Variants in TENM3 observed in about 807,000 individuals in gnomAD.
The protein encoded by TENM3 is teneurin-3.
Under a neutral mutation model 255.1 loss-of-function variants are expected in TENM3, and 63 were observed. The ratio of observed to expected loss-of-function variants is 0.25; its 90% CI spans 0.20 to 0.30. TENM3 has a LOEUF of 0.30. Ranked by LOEUF, TENM3 falls within the 10% of genes least tolerant of loss-of-function variation. The probability of loss-of-function intolerance (pLI) is 1.00; values close to 1 mark genes in which losing one functional copy is unlikely to be tolerated. For synonymous variants in TENM3, 1,306 were observed against 1,322.3 expected, an observed-to-expected ratio of 0.99 and a Z score of 0.27; for missense variants, 2,929 against 3,461.1, an observed-to-expected ratio of 0.85 and a Z score of 3.86.
At chr4:181,881,993 A>G in the TENM3 span, among the ~76,000 whole-genome samples, 2 of 152,190 alleles carry the variant, frequency 1.3e-5, no homozygotes, top group Non-Finnish European at 2.9e-5. Context: ...TTGAGAGAAA[A>G]ATATGCACAC....
the TENM3 span, among the ~76,000 whole-genome samples, chr4:181,513,337 A>G: frequency 0.16 from 24,092 of 152,118 alleles, 2,199 homozygotes; most frequent in African/African-American, 0.24. Context: ...AAATATTTTT[A>G]CTTTTCAGAA....
At chr4:181,696,741 G>A in the TENM3 span, among the ~76,000 whole-genome samples, 16 of 152,218 alleles carry the variant, frequency 1.1e-4, no homozygotes, top group South Asian at 1.0e-3. Context: ...ATGTACGAGG[G>A]GACTGAGGCT....
intron 4 of TENM3, among the ~76,000 whole-genome samples, chr4:182,627,429 T>G (rs563726479): frequency 6.6e-6 from 1 of 152,266 alleles, no homozygotes; most frequent in East Asian, 1.9e-4. Context: ...TTAATTTGTT[T>G]GATATATTCA....
chr4:181,553,301 T>C, the TENM3 span, among the ~76,000 whole-genome samples: 1 of 113,808 alleles, frequency 8.8e-6, no homozygotes, highest in Non-Finnish European at 1.8e-5. Flanking sequence ...GTGTGTGTAG[T>C]GTGTGTGTAT....
At chr4:182,771,511 A>AGCC (rs1233466562) in intron 22 of TENM3, among the ~76,000 whole-genome samples, 8 of 145,812 alleles carry the variant, frequency 5.5e-5, no homozygotes, top group South Asian at 2.3e-4. Flanking sequence ...GGGGGGGGGA[A>AGCC]ATAGTACAAT....
chr4:182,405,945 C>A (rs978929958), intron 3 of TENM3, among the ~76,000 whole-genome samples: 20 of 152,170 alleles, frequency 1.3e-4, no homozygotes, highest in African/African-American at 4.8e-4. Context: ...ACTGGAGATG[C>A]TGGTGTGCGA....
At chr4:181,947,930 G>A in the TENM3 span, among the ~76,000 whole-genome samples, 21,143 of 151,972 alleles carry the variant, frequency 0.14, 1,683 homozygotes, top group African/African-American at 0.21. Context: ...CAAACAAACC[G>A]GCCGGCTTTC....
chr4:181,543,549 G>T, the TENM3 span, among the ~76,000 whole-genome samples: 3 of 152,156 alleles, frequency 2.0e-5, no homozygotes, highest in East Asian at 5.8e-4. Context: ...AGCTTGTCTT[G>T]CACCGTGCTT....
chr4:182,653,835 A>G lies in TENM3; in HGVS notation c.1053A>G (p.Gly351=), dbSNP rs1416361758. ...CTGAAAATGACACATTTGAGAATGG[A>G]AAAGTGAATTCTGATACCATGCCAA... ...QQTENDTFEN[G]KVNSDTMPTN... is the part of the protein sequence containing the mutation. The change falls in exon 6 of 28, where the codon GGA becomes GGG. Residue 351 remains glycine (G), a synonymous_variant. Transcript: ENST00000511685. 6.2e-7 allele frequency: 1 copy of G among 1,613,236 alleles called. No homozygotes were observed. Among genetic ancestry groups the G allele is most frequent in the Non-Finnish European group, 8.5e-7 (1 of 1,179,498 alleles).
chr4:182,244,922 A>G (rs1757543609), intron 1 of TENM3, among the ~76,000 whole-genome samples: 1 of 152,210 alleles, frequency 6.6e-6, no homozygotes, highest in South Asian at 2.1e-4. Context: ...AGAATCTTGC[A>G]TTTCTTCACA....
At chr4:181,612,051 T>C in the TENM3 span, among the ~76,000 whole-genome samples, 1 of 152,208 alleles carries the variant, frequency 6.6e-6, no homozygotes, top group African/African-American at 2.4e-5. Flanking sequence ...AAAAATATAT[T>C]TTTTCTGACA....
rs948115080 is a variant in TENM3, at chr4:182,629,243, C to T, written c.988+354C>T. On this transcript the variant is annotated intron_variant, in intron 5 of 27. Coordinates refer to ENST00000511685, the MANE Select transcript of TENM3 (RefSeq NM_001080477.4). The stretch of plus-strand genomic sequence containing the variant: ...ACCCTGTGCAGGATTTCCTTCAATG[C>T]GTACTCAATAGGGAGCTCTCCACTG... Among the ~76,000 whole-genome samples the T allele has an allele frequency of 1.4e-4, 21 of 152,170 alleles. 1 individual carries two copies. The highest frequency in any genetic ancestry group is 9.2e-4 in the Admixed American group (14 of 15,280).
the TENM3 span, among the ~76,000 whole-genome samples, chr4:181,830,780 T>C: frequency 6.6e-6 from 1 of 152,196 alleles, no homozygotes; most frequent in African/African-American, 2.4e-5. Context: ...AACCACTTGA[T>C]AGTCCTGGAG....
At chr4:181,651,041 G>A in the TENM3 span, among the ~76,000 whole-genome samples, 1 of 152,158 alleles carries the variant, frequency 6.6e-6, no homozygotes, top group Non-Finnish European at 1.5e-5. Flanking sequence ...AGCATGATGT[G>A]TGTCTTCCTG....
chr4:182,557,626 CA>C (rs1742703169), intron 3 of TENM3, among the ~76,000 whole-genome samples: 2 of 152,082 alleles, frequency 1.3e-5, no homozygotes, highest in Non-Finnish European at 2.9e-5. Context: ...AGTCTCTAGC[CA>C]GTGATGCTTA....
At chr4:182,770,994 C>G (rs1315573884) in intron 22 of TENM3, among the ~76,000 whole-genome samples, 1 of 152,166 alleles carries the variant, frequency 6.6e-6, no homozygotes, top group Non-Finnish European at 1.5e-5. Context: ...CAGCTTAACC[C>G]TCTGTCATTC....
At chr4:181,958,553 T>A in the TENM3 span, among the ~76,000 whole-genome samples, 1 of 152,214 alleles carries the variant, frequency 6.6e-6, no homozygotes, top group Admixed American at 6.5e-5. Context: ...TCCTGAGATG[T>A]TTGAAGCTGG....
chr4:181,522,575 G>A, the TENM3 span: 1 of 410,186 alleles, frequency 2.4e-6, no homozygotes, highest in Middle Eastern at 7.6e-4. Flanking sequence ...TAAAAAGCCA[G>A]TAAATTTGGA....
At chr4:181,668,689 A>G in the TENM3 span, among the ~76,000 whole-genome samples, 1 of 152,064 alleles carries the variant, frequency 6.6e-6, no homozygotes. Context: ...CAACAACCTT[A>G]CTTGCAAATA....
Sources: allele counts gnomAD v4.1 joint callset (sites outside exome capture counted in the v4.1 genomes callset), GRCh38; gene constraint gnomAD v4.1.1; transcripts MANE v1.5; gene names NCBI Gene and HGNC (gene_info 2026-07-23, HGNC 2026-07-21).